Variants in CCDC27 observed in about 807,000 individuals in gnomAD.
The protein encoded by CCDC27 is coiled-coil domain-containing protein 27.
A neutral mutation model predicts 80.3 loss-of-function variants in CCDC27; 80 were observed. The ratio of observed to expected loss-of-function variants is 1.00; its 90% CI spans 0.83 to 1.20. CCDC27 has a LOEUF of 1.20. CCDC27 is among the 50% of genes most tolerant of loss of function. The pLI is 0.00. For missense variants in CCDC27, 815 were observed against 809.4 expected (o/e 1.01, Z -0.08); for synonymous variants, 342 against 334.3 (o/e 1.02, Z -0.25).
Position 3,763,615 on chromosome 1 carries a change from C to A in CCDC27, c.1322-91C>A, listed in dbSNP as rs917127709. Reference sequence around the variant, plus strand: ...GGCAGCCTCACCCAGGCTGGCAGAGCCCTCCCAGCTGCCGCAGTGGCCCGG... The same window carrying A: ...GGCAGCCTCACCCAGGCTGGCAGAGACCTCCCAGCTGCCGCAGTGGCCCGG... On this transcript the variant is annotated intron_variant, in intron 7 of 11. Transcript: ENST00000294600. This position sits in a 1 kb window ranked among gnomAD's most constrained non-coding sequence, Gnocchi z 7.5. 1 of 1,577,654 alleles carries A rather than the reference C, an allele frequency of 6.3e-7. No homozygotes were observed. Among genetic ancestry groups the A allele is most frequent in the Non-Finnish European group, 8.7e-7 (1 of 1,155,146 alleles).
Position 3,754,256 on chromosome 1 carries a change from C to T in CCDC27, c.442+15C>T, listed in dbSNP as rs776710502. 29 of 1,564,062 alleles carry T rather than the reference C, an allele frequency of 1.9e-5. No individual in the cohort carries two copies. In the African/African-American group the frequency reaches 3.3e-4, roughly 18 times the overall value. ...GTCCCACTGTGGTAAGAGCCCCCCA[C>T]CAGGACCGCCTGTGAAACTGCCTGT... On this transcript the variant is annotated intron_variant, in intron 2 of 11. Coordinates refer to ENST00000294600, the MANE Select transcript of CCDC27 (RefSeq NM_152492.3).
intron 11 of CCDC27, 59 bp from the exon 12 acceptor site, chr1:3,771,342 C>T (rs750944547): frequency 6.2e-6 from 10 of 1,610,552 alleles, no homozygotes; most frequent in South Asian, 1.1e-5. Context: ...TGCAGACCGG[C>T]CTCAAGGCCA....
intron 8 of CCDC27, among the ~76,000 whole-genome samples, chr1:3,764,424 G>A (rs563218945): frequency 6.6e-6 from 1 of 151,784 alleles, no homozygotes; most frequent in Non-Finnish European, 1.5e-5. Context: ...TGCTCATAGT[G>A]GCCATTCTAG....
chr1:3,754,053 C>T, intron 1 of CCDC27, 65 bp from the exon 2 acceptor site: 1 of 1,586,240 alleles, frequency 6.3e-7, no homozygotes, highest in Admixed American at 1.7e-5. Context: ...CAGGGTCTGC[C>T]CTTGGATGGG....
At chr1:3,753,656 G>T (rs1462908076) in intron 1 of CCDC27, among the ~76,000 whole-genome samples, 2 of 152,294 alleles carry the variant, frequency 1.3e-5, no homozygotes, top group South Asian at 2.1e-4. Flanking sequence ...TTCCAAAGTG[G>T]GTCTGCGTGG....
rs1570712539 is a variant in CCDC27, at chr1:3,763,250, A to G, written c.1097A>G (p.His366Arg). 1 of 1,570,598 alleles carries G rather than the reference A, an allele frequency of 6.4e-7. No homozygotes were observed. Among genetic ancestry groups the G allele is most frequent in the Non-Finnish European group, 8.6e-7 (1 of 1,157,274 alleles). Residue 366 changes from histidine to arginine, a missense_variant, in exon 7 of 12, where the codon CAT becomes CGT. Transcript: ENST00000294600. The surrounding 1 kb of genome is among the most constrained non-coding windows in gnomAD (Gnocchi z 7.5). ...GGTGTGAGCCAGATGGGATCCGTGCATGAGGAGGGAAGCGAGGAGGAGGAA... is the reference window on the plus strand; with the variant it reads ...GGTGTGAGCCAGATGGGATCCGTGCGTGAGGAGGGAAGCGAGGAGGAGGAA... ...WGGVSQMGSV[H>R]EEGSEEEEEE...
rs1026894925 is a variant in CCDC27 at position 3,760,762 on chromosome 1, C to G, written c.712-519C>G. 1.3e-5 allele frequency among the ~76,000 whole-genome samples: 2 copies of G among 152,192 alleles called. No individual in the cohort carries two copies. Among genetic ancestry groups the G allele is most frequent in the Non-Finnish European group, 2.9e-5 (2 of 68,038 alleles). On this transcript the variant is annotated intron_variant, in intron 4 of 11. Coordinates refer to ENST00000294600, the MANE Select transcript of CCDC27 (RefSeq NM_152492.3). The surrounding 1 kb of genome is among the most constrained non-coding windows in gnomAD (Gnocchi z 4.3). ...TAGTATTTCTCTAAGTTCAGATCTG[C>G]TGGTCACAGATTCTTTCAATTTCTG...
intron 4 of CCDC27, chr1:3,757,326 A>T (rs1305238325): frequency 6.6e-6 from 1 of 152,382 alleles, no homozygotes; most frequent in African/African-American, 2.4e-5. Flanking sequence ...TTCCGTCATC[A>T]AATTTTAGTA....
chr1:3,762,043 G>A (rs1643099935), intron 5 of CCDC27, among the ~76,000 whole-genome samples: 1 of 152,176 alleles, frequency 6.6e-6, no homozygotes, highest in African/African-American at 2.4e-5. Context: ...GTGGGCAGAG[G>A]ACTGGACGAG....
In CCDC27 at chr1:3,761,166, G is replaced by A. The variant is rs939843095; in HGVS notation, c.712-115G>A. 28 of 1,241,002 alleles carry A rather than the reference G, an allele frequency of 2.3e-5. No individual in the cohort carries two copies. In the South Asian group the frequency reaches 3.9e-4, roughly 17 times the overall value. 76.9% of individuals were successfully genotyped at this position (1,241,002 alleles called of 1,614,324 possible). A position where few individuals can be genotyped will look rare whatever the true frequency, so the allele number is the denominator to read the frequency against. On this transcript the variant is annotated intron_variant, in intron 4 of 11. Transcript: ENST00000294600. This position sits in a 1 kb window ranked among gnomAD's most constrained non-coding sequence, Gnocchi z 5.0. Reference sequence around the variant, plus strand: ...CTATCTTGAAATCCCTGGGACCCTGGGGTTTTGGGGTACCACGACAGCAGA... The same window carrying A: ...CTATCTTGAAATCCCTGGGACCCTGAGGTTTTGGGGTACCACGACAGCAGA...
rs1476327181 is a variant in CCDC27 at position 3,760,801 on chromosome 1, A to G, written c.712-480A>G. Among the ~76,000 whole-genome samples, 1 of 152,200 alleles carries G rather than the reference A, an allele frequency of 6.6e-6. No individual in the cohort carries two copies. The highest frequency in any genetic ancestry group is 1.5e-5 in the Non-Finnish European group (1 of 68,044). On this transcript the variant is annotated intron_variant, in intron 4 of 11. Transcript: ENST00000294600. This position sits in a 1 kb window ranked among gnomAD's most constrained non-coding sequence, Gnocchi z 4.3. Reference sequence around the variant, plus strand: ...TTTCAATTTCTGTTTGCCTGAAAACATCTTTATTTTTGTCTTTAATTTTGA... The same window carrying G: ...TTTCAATTTCTGTTTGCCTGAAAACGTCTTTATTTTTGTCTTTAATTTTGA...
intron 2 of CCDC27, among the ~76,000 whole-genome samples, chr1:3,755,207 C>T (rs1642921077): frequency 6.6e-6 from 1 of 152,162 alleles, no homozygotes; most frequent in African/African-American, 2.4e-5. Flanking sequence ...TAGGGTCTGC[C>T]CCTCCGGGGG....
At position 3,760,875 on chromosome 1, in the gene CCDC27, C is replaced by T. The variant is rs145249499; in HGVS notation, c.712-406C>T. 9.9e-4 allele frequency among the ~76,000 whole-genome samples: 151 copies of T among 152,250 alleles called. 1 individual carries two copies. The South Asian group carries it at 0.011, about 11-fold the overall frequency. On this transcript the variant is annotated intron_variant, in intron 4 of 11. Coordinates refer to ENST00000294600, the MANE Select transcript of CCDC27 (RefSeq NM_152492.3). This position sits in a 1 kb window ranked among gnomAD's most constrained non-coding sequence, Gnocchi z 4.3. ...GAGAACAAAAGTTTGAGGAGCTCCC[C>T]GACAGGCCCCTAGGGAAGCTTGGAG...
intron 1 of CCDC27, among the ~76,000 whole-genome samples, 188 bp from the exon 2 acceptor site, chr1:3,753,930 G>A (rs1310335825): frequency 6.6e-6 from 1 of 152,092 alleles, no homozygotes; most frequent in Non-Finnish European, 1.5e-5. Flanking sequence ...GTTGTTGTGG[G>A]CAGGTCTCTG....
rs775038521 is a variant in CCDC27 at position 3,760,196 on chromosome 1, T to C, written c.712-1085T>C. On this transcript the variant is annotated intron_variant, in intron 4 of 11. Coordinates refer to ENST00000294600, the MANE Select transcript of CCDC27 (RefSeq NM_152492.3). This position sits in a 1 kb window ranked among gnomAD's most constrained non-coding sequence, Gnocchi z 4.3. ...GGCTTGGGTGATGAAATGTGATTTC[T>C]GCACTTTTTTTTCCCTTTAACTTTG... Among the ~76,000 whole-genome samples the C allele has an allele frequency of 2.6e-5, 4 of 152,252 alleles. No individual in the cohort carries two copies. The highest frequency in any genetic ancestry group is 4.4e-5 in the Non-Finnish European group (3 of 68,040).
At chr1:3,758,141 G>C (rs1472162116) in intron 4 of CCDC27, among the ~76,000 whole-genome samples, 1 of 152,108 alleles carries the variant, frequency 6.6e-6, no homozygotes, top group Non-Finnish European at 1.5e-5. Flanking sequence ...GCCATTGAAG[G>C]CTTCTGTGTC....
Position 3,756,870 on chromosome 1 carries a change from C to G in CCDC27, c.691C>G (p.Leu231Val). The G allele has an allele frequency of 6.2e-7, 1 of 1,613,198 alleles. No homozygotes were observed. Among genetic ancestry groups the G allele is most frequent in the Non-Finnish European group, 8.5e-7 (1 of 1,179,786 alleles). The change falls in exon 4 of 12, where the codon CTC becomes GTC. Residue 231 changes from leucine to valine, a missense_variant. Physicochemically the swap from Leu to Val is conservative, Grantham distance 32. Transcript: ENST00000294600. ...SCLRKRMPWYLSVIHEKDHCL... is the reference protein window; with the variant it reads ...SCLRKRMPWYVSVIHEKDHCL... ...CCTGAGAAAGAGGATGCCCTGGTAC[C>G]TCTCAGTCATCCACGAGAAGGTACT...
intron 4 of CCDC27, among the ~76,000 whole-genome samples, chr1:3,759,429 C>T (rs985170080): frequency 1.3e-5 from 2 of 152,210 alleles, no homozygotes; most frequent in Non-Finnish European, 1.5e-5. Context: ...GTCTCATTCC[C>T]GACGTGGCTG....
At position 3,766,690 on chromosome 1, in the gene CCDC27, CG is replaced by C; in HGVS notation, c.1530+82del. 1.6e-6 allele frequency: 2 copies of C among 1,246,196 alleles called. No homozygotes were observed. Among genetic ancestry groups the C allele is most frequent in the East Asian group, 2.3e-5 (1 of 42,806 alleles). The allele number at this position is 1,246,196 out of a possible 1,614,324, so 77.2% of individuals were successfully genotyped here. A position where few individuals can be genotyped will look rare whatever the true frequency, so the allele number is the denominator to read the frequency against. On this transcript the variant is annotated intron_variant, in intron 9 of 11. Transcript: ENST00000294600. The surrounding 1 kb of genome is among the most constrained non-coding windows in gnomAD (Gnocchi z 6.1). ...AGTCCCAACACAGCAAAGGGCAAGA[CG>C]GGGCTGGAGCGTCTTCACAGCTGAG... is the stretch of plus-strand genomic sequence containing the variant.
Sources: allele counts gnomAD v4.1 joint callset (sites outside exome capture counted in the v4.1 genomes callset), GRCh38; gene constraint gnomAD v4.1.1; non-coding constraint Gnocchi (gnomAD v3.1); transcripts MANE v1.5; gene names NCBI Gene and HGNC (gene_info 2026-07-23, HGNC 2026-07-21).